The following XNDC1N variants were observed in gnomAD, a reference collection of about 807,000 sequenced individuals.
XNDC1N encodes XRCC1 N-terminal domain containing 1, N-terminal like.
chr11:71,888,507 A>C, the XNDC1N span, among the ~76,000 whole-genome samples: 1 of 152,160 alleles, frequency 6.6e-6, no homozygotes, highest in Non-Finnish European at 1.5e-5. Flanking sequence ...GGGCTACCCG[A>C]TCTAACAAAG....
chr11:71,882,443 C>A, the XNDC1N span, among the ~76,000 whole-genome samples: 1 of 152,268 alleles, frequency 6.6e-6, no homozygotes, highest in South Asian at 2.1e-4. Context: ...TTTGGCCAGG[C>A]TGGTCTTGAA....
the XNDC1N span, among the ~76,000 whole-genome samples, chr11:71,906,349 T>C: frequency 1.3e-5 from 2 of 151,904 alleles, no homozygotes; most frequent in African/African-American, 2.4e-5. Context: ...TTCTAGAATA[T>C]CATGAATAAT....
chr11:71,894,783 G>C, the XNDC1N span, among the ~76,000 whole-genome samples: 11 of 152,176 alleles, frequency 7.2e-5, no homozygotes, highest in Admixed American at 1.3e-4. Flanking sequence ...CAACACCATT[G>C]GTTGTTCAAA....
chr11:71,891,468 T>C, the XNDC1N span, among the ~76,000 whole-genome samples: 1 of 151,882 alleles, frequency 6.6e-6, no homozygotes, highest in Non-Finnish European at 1.5e-5. Context: ...AATGTCATCC[T>C]CCCCAAACCT....
the XNDC1N span, among the ~76,000 whole-genome samples, chr11:71,915,823 C>G: frequency 1.3e-5 from 2 of 152,074 alleles, no homozygotes; most frequent in Non-Finnish European, 2.9e-5. Context: ...GGCTAAAGAG[C>G]AAATAGTCCA....
At chr11:71,919,556 T>A in the XNDC1N span, among the ~76,000 whole-genome samples, 1 of 147,590 alleles carries the variant, frequency 6.8e-6, no homozygotes, top group African/African-American at 2.5e-5. Flanking sequence ...CCCAGCTAAT[T>A]TTTTTGTATT....
At chr11:71,909,364 G>T in the XNDC1N span, among the ~76,000 whole-genome samples, 6 of 151,940 alleles carry the variant, frequency 3.9e-5, no homozygotes, top group African/African-American at 1.5e-4. Flanking sequence ...CCCTGGGAAA[G>T]AAACTCAGCT....
At chr11:71,926,306 T>A in the XNDC1N span, among the ~76,000 whole-genome samples, 1 of 152,048 alleles carries the variant, frequency 6.6e-6, no homozygotes, top group East Asian at 1.9e-4. Flanking sequence ...ACACTCTTGG[T>A]TTGGCAATCC....
At chr11:71,872,063 C>T in the XNDC1N span, among the ~76,000 whole-genome samples, 28,039 of 151,916 alleles carry the variant, frequency 0.18, 4,335 homozygotes, top group African/African-American at 0.44. Flanking sequence ...TATATCTATA[C>T]GGAGAAATAC....
chr11:71,897,787 C>T, the XNDC1N span, among the ~76,000 whole-genome samples: 1 of 152,214 alleles, frequency 6.6e-6, no homozygotes, highest in Non-Finnish European at 1.5e-5. Context: ...GCATTATTCA[C>T]AACAGCCAAA....
chr11:71,891,799 A>G, the XNDC1N span, among the ~76,000 whole-genome samples: 5 of 151,982 alleles, frequency 3.3e-5, no homozygotes, highest in Non-Finnish European at 5.9e-5. Context: ...AGAAAACAAT[A>G]TCATCGGGGC....
chr11:71,928,200 C>T, the XNDC1N span, among the ~76,000 whole-genome samples: 1 of 152,166 alleles, frequency 6.6e-6, no homozygotes, highest in African/African-American at 2.4e-5. Context: ...ATGTGGGTGC[C>T]CTGGAGGTCC....
At chr11:71,895,280 G>GT in the XNDC1N span, among the ~76,000 whole-genome samples, 5 of 151,988 alleles carry the variant, frequency 3.3e-5, no homozygotes, top group African/African-American at 1.2e-4. Flanking sequence ...TTATTATGTT[G>GT]TTTTTTCTTA....
At chr11:71,869,693 T>A in the XNDC1N span, among the ~76,000 whole-genome samples, 1 of 152,230 alleles carries the variant, frequency 6.6e-6, no homozygotes, top group Non-Finnish European at 1.5e-5. Flanking sequence ...TTCAACTGTC[T>A]CCTGAATCTC....
the XNDC1N span, among the ~76,000 whole-genome samples, chr11:71,873,132 T>C: frequency 6.7e-6 from 1 of 150,300 alleles, no homozygotes; most frequent in East Asian, 1.9e-4. Context: ...ATTATTTTTG[T>C]TTATTGCCTC....
the XNDC1N span, among the ~76,000 whole-genome samples, chr11:71,880,938 C>G: frequency 1.2e-4 from 19 of 152,164 alleles, no homozygotes; most frequent in Non-Finnish European, 2.1e-4. Flanking sequence ...AACATATGGT[C>G]TAGCCTGGAG....
chr11:71,894,107 G>A, the XNDC1N span: 1 of 474,196 alleles, frequency 2.1e-6, no homozygotes, highest in Non-Finnish European at 3.7e-6. Flanking sequence ...CCCATTTCAG[G>A]GATCCTTGTG....
At chr11:71,873,325 G>A in the XNDC1N span, among the ~76,000 whole-genome samples, 3 of 152,054 alleles carry the variant, frequency 2.0e-5, no homozygotes, top group African/African-American at 7.2e-5. Context: ...CGTTTTTTCA[G>A]ATCTAATTAT....
chr11:71,922,462 C>T, the XNDC1N span, among the ~76,000 whole-genome samples: 1 of 152,172 alleles, frequency 6.6e-6, no homozygotes, highest in Non-Finnish European at 1.5e-5. Context: ...TGCTATCACA[C>T]AGGGCTGATT....
Sources: gnomAD v4.1 joint callset for allele counts (sites outside exome capture counted in the v4.1 genomes callset) on GRCh38, gnomAD v4.1.1 for gene constraint, MANE v1.5 for transcripts, NCBI Gene and HGNC (gene_info 2026-07-23, HGNC 2026-07-21) for gene names.